The following PTPRD variants were observed in gnomAD, a reference collection of about 807,000 sequenced individuals.
PTPRD encodes the protein receptor-type tyrosine-protein phosphatase delta.
Under a neutral mutation model 214.5 loss-of-function variants are expected in PTPRD, and 34 were observed. The ratio of observed to expected loss-of-function variants is 0.16; its 90% CI spans 0.12 to 0.21. PTPRD has a LOEUF of 0.21. Ranked by LOEUF, PTPRD falls within the 10% of genes least tolerant of loss-of-function variation. PTPRD has a pLI of 1.00. For missense variants in PTPRD, 2,545 were observed against 2,398.7 expected (o/e 1.06, Z -1.27); for synonymous variants, 1,128 against 845.7 (o/e 1.33, Z -5.79).
intron 2 of PTPRD, among the ~76,000 whole-genome samples, chr9:10,606,836 C>G (rs1045567083): frequency 5.3e-5 from 8 of 152,024 alleles, no homozygotes; most frequent in East Asian, 1.9e-4. Context: ...AGAACTATAA[C>G]TTTGGACAGT....
intron 5 of PTPRD, among the ~76,000 whole-genome samples, chr9:9,794,810 A>G (rs373730254): frequency 6.6e-6 from 1 of 152,334 alleles, no homozygotes; most frequent in Admixed American, 6.5e-5. Context: ...CTCTTCTGCT[A>G]AACTGCCAAC....
chr9:8,705,205 C>G (rs2098178715), intron 12 of PTPRD, among the ~76,000 whole-genome samples: 2 of 152,040 alleles, frequency 1.3e-5, no homozygotes, highest in African/African-American at 4.8e-5. Flanking sequence ...GATCACTTTC[C>G]TAAATTTTTG....
Position 8,654,092 on chromosome 9 carries a change from A to T in PTPRD, c.65-17248T>A, listed in dbSNP as rs140853535. On this transcript the variant is annotated intron_variant, in intron 12 of 45. Transcript: ENST00000381196. Reference sequence around the variant, plus strand: ...ATCCCTGGCTTCTACCCAATAGATAACACTAACATCCTAGCTACCAGTTGT... The same window carrying T: ...ATCCCTGGCTTCTACCCAATAGATATCACTAACATCCTAGCTACCAGTTGT... Among the ~76,000 whole-genome samples the T allele has an allele frequency of 1.5e-3, 231 of 152,322 alleles. 1 individual carries two copies. Among genetic ancestry groups the T allele is most frequent in the Middle Eastern group, 6.8e-3 (2 of 294 alleles).
intron 9 of PTPRD, among the ~76,000 whole-genome samples, chr9:9,305,808 C>G (rs1055744204): frequency 2.0e-5 from 3 of 152,014 alleles, no homozygotes; most frequent in Non-Finnish European, 4.4e-5. Context: ...TTAGAAGAGG[C>G]CATGTGCCAA....
intron 2 of PTPRD, among the ~76,000 whole-genome samples, chr9:10,549,125 G>A (rs187725033): frequency 1.6e-3 from 248 of 152,166 alleles, no homozygotes; most frequent in Admixed American, 2.6e-3. Flanking sequence ...TATGTCCTGC[G>A]TAATACTCAG....
intron 9 of PTPRD, among the ~76,000 whole-genome samples, chr9:9,231,386 T>C (rs1475445670): frequency 6.6e-6 from 1 of 152,186 alleles, no homozygotes; most frequent in Non-Finnish European, 1.5e-5. Flanking sequence ...GACTGTGTTG[T>C]AGATTTCAGA....
In PTPRD at chr9:8,414,278, T is replaced by C. The variant is rs149851701; in HGVS notation, c.4087-9618A>G. 3.9e-3 allele frequency among the ~76,000 whole-genome samples: 589 copies of C among 152,334 alleles called. 6 individuals are homozygous for C. The highest frequency in any genetic ancestry group is 0.014 in the African/African-American group (564 of 41,574). On this transcript the variant is annotated intron_variant, in intron 35 of 45. Transcript: ENST00000381196. ...AATTCATAAAAGCCATCTTTGACTT[T>C]TTGTGCATCTGAAATTCATTCTAAG...
In PTPRD at chr9:10,598,910, A is replaced by G. The variant is rs139095711; in HGVS notation, c.-600+13488T>C. On this transcript the variant is annotated intron_variant, in intron 2 of 45. Transcript: ENST00000381196. ...TTGATATGATGAGGAGTAAATAGGT[A>G]AAACAGAGAATACAAACTCCAGTAT... Among the ~76,000 whole-genome samples the G allele has an allele frequency of 3.3e-3, 496 of 151,752 alleles. 5 individuals are homozygous for G. The highest frequency in any genetic ancestry group is 0.011 in the African/African-American group (459 of 41,468).
At chr9:10,605,796 G>T (rs1181983936) in intron 2 of PTPRD, among the ~76,000 whole-genome samples, 1 of 151,780 alleles carries the variant, frequency 6.6e-6, no homozygotes. Context: ...GTTTCAAATT[G>T]CTAGCACATG....
At chr9:9,291,183 C>A (rs1278063727) in intron 9 of PTPRD, among the ~76,000 whole-genome samples, 2 of 151,428 alleles carry the variant, frequency 1.3e-5, no homozygotes, top group African/African-American at 4.8e-5. Flanking sequence ...TATAGATAAT[C>A]ACTTGCCATA....
At chr9:9,743,956 C>A (rs1175982366) in intron 6 of PTPRD, among the ~76,000 whole-genome samples, 2 of 152,110 alleles carry the variant, frequency 1.3e-5, no homozygotes, top group African/African-American at 2.4e-5. Context: ...ATAACCTACA[C>A]CTCCTATATC....
At chr9:9,705,207 A>T (rs2097576562) in intron 7 of PTPRD, among the ~76,000 whole-genome samples, 2 of 152,206 alleles carry the variant, frequency 1.3e-5, no homozygotes, top group African/African-American at 2.4e-5. Context: ...ATAATATTTC[A>T]TAATGGTTCC....
intron 11 of PTPRD, among the ~76,000 whole-genome samples, chr9:9,013,392 G>T (rs1023803726): frequency 1.3e-5 from 2 of 152,074 alleles, no homozygotes; most frequent in Non-Finnish European, 2.9e-5. Flanking sequence ...GCAAAGAAGC[G>T]ATCAGTCACA....
At chr9:8,571,431 A>C (rs2091114817) in intron 14 of PTPRD, among the ~76,000 whole-genome samples, 1 of 152,150 alleles carries the variant, frequency 6.6e-6, no homozygotes. Context: ...AGTAACTGAG[A>C]ATTCTAAAGT....
At chr9:8,787,366 G>C (rs750617928) in intron 11 of PTPRD, among the ~76,000 whole-genome samples, 1 of 152,046 alleles carries the variant, frequency 6.6e-6, no homozygotes, top group Non-Finnish European at 1.5e-5. Flanking sequence ...TATTAAAAAT[G>C]GGTACTAACC....
chr9:8,819,885 C>G (rs2097012916), intron 11 of PTPRD, among the ~76,000 whole-genome samples: 1 of 152,098 alleles, frequency 6.6e-6, no homozygotes, highest in Non-Finnish European at 1.5e-5. Context: ...TCTCCTGTGT[C>G]TTGTTCTCCT....
At chr9:9,141,938 T>C (rs978863481) in intron 10 of PTPRD, among the ~76,000 whole-genome samples, 29 of 152,218 alleles carry the variant, frequency 1.9e-4, no homozygotes, top group African/African-American at 7.0e-4. Flanking sequence ...GTCCCCTTTC[T>C]ACCAGAGAGC....
At chr9:9,825,130 T>C (rs531294674) in intron 5 of PTPRD, among the ~76,000 whole-genome samples, 1 of 152,086 alleles carries the variant, frequency 6.6e-6, no homozygotes, top group South Asian at 2.1e-4. Context: ...TTTGATGAAA[T>C]ACTTTTATAT....
At chr9:9,990,837 C>A (rs185044605) in intron 4 of PTPRD, among the ~76,000 whole-genome samples, 13 of 152,236 alleles carry the variant, frequency 8.5e-5, no homozygotes, top group Admixed American at 7.2e-4. Flanking sequence ...AGATACTGTC[C>A]ACTCTATGAG....
Sources: allele counts gnomAD v4.1 joint callset (sites outside exome capture counted in the v4.1 genomes callset), GRCh38; gene constraint gnomAD v4.1.1; transcripts MANE v1.5; gene names NCBI Gene and HGNC (gene_info 2026-07-23, HGNC 2026-07-21).